Variants in MYT1L observed in about 807,000 individuals in gnomAD.
MYT1L encodes the protein myelin transcription factor 1-like protein.
Under a neutral mutation model 126.7 loss-of-function variants are expected in MYT1L, and 12 were observed. The observed-to-expected ratio is 0.09, with a 90% confidence interval of 0.06 to 0.15. The LOEUF is 0.15. Ranked by LOEUF, MYT1L falls within the 10% of genes least tolerant of loss-of-function variation. The pLI, the probability that MYT1L is intolerant of heterozygous loss-of-function variation, is 1.00. For synonymous variants in MYT1L, 541 were observed against 604.2 expected, an observed-to-expected ratio of 0.90 and a Z score of 1.53; for missense variants, 979 against 1,585.2, an observed-to-expected ratio of 0.62 and a Z score of 6.49.
intron 21 of MYT1L, among the ~76,000 whole-genome samples, chr2:1,815,834 T>C (rs2037538747): frequency 6.6e-6 from 1 of 152,256 alleles, no homozygotes; most frequent in Admixed American, 6.5e-5. Flanking sequence ...TTCTTAGCCA[T>C]AGATGGCTTT....
chr2:2,299,073 C>T (rs62118686), intron 1 of MYT1L, among the ~76,000 whole-genome samples: 3 of 152,108 alleles, frequency 2.0e-5, no homozygotes, highest in Non-Finnish European at 2.9e-5. Flanking sequence ...AGGATGGTCT[C>T]GATCTCCTGA....
At chr2:2,076,418 T>C (rs1225622662) in intron 3 of MYT1L, among the ~76,000 whole-genome samples, 1 of 152,194 alleles carries the variant, frequency 6.6e-6, no homozygotes, top group Non-Finnish European at 1.5e-5. Context: ...AGGAAAGGCA[T>C]TTAATAAAAT....
rs373461812 is a variant in MYT1L, at chr2:2,064,406, G to A, written c.-303-10283C>T. Among the ~76,000 whole-genome samples, 9 of 152,312 alleles carry A rather than the reference G, an allele frequency of 5.9e-5. No individual in the cohort carries two copies. The East Asian group carries it at 9.6e-4, about 16-fold the overall frequency. On this transcript the variant is annotated intron_variant, in intron 3 of 24. Coordinates refer to ENST00000647738, the MANE Select transcript of MYT1L (RefSeq NM_001303052.2). ...TTAACAGGATAGAAGTTGTCCAGGA[G>A]AACATGGGGAAGTGAAGTTTTCAAG...
At chr2:1,874,187 G>A (rs569965103) in intron 18 of MYT1L, among the ~76,000 whole-genome samples, 2,015 of 129,038 alleles carry the variant, frequency 0.016, 39 homozygotes, top group African/African-American at 0.07. Flanking sequence ...AACAGGAAAC[G>A]CTCTTTTTTT....
intron 3 of MYT1L, among the ~76,000 whole-genome samples, chr2:2,113,409 G>A (rs1001195214): frequency 1.7e-4 from 26 of 152,158 alleles, no homozygotes; most frequent in African/African-American, 5.3e-4. Flanking sequence ...CACGCGCTCC[G>A]TCCAACAGCT....
At chr2:2,130,450 A>G (rs2082225769) in intron 3 of MYT1L, among the ~76,000 whole-genome samples, 1 of 152,192 alleles carries the variant, frequency 6.6e-6, no homozygotes, top group South Asian at 2.1e-4. Flanking sequence ...CTACAGAAAT[A>G]AAGGCGCAGG....
intron 4 of MYT1L, among the ~76,000 whole-genome samples, chr2:2,018,574 C>T (rs1257276548): frequency 3.3e-5 from 5 of 152,308 alleles, no homozygotes; most frequent in South Asian, 2.1e-4. Flanking sequence ...GGCCGCTCAT[C>T]GGATTCAGCC....
chr2:1,805,731 C>A (rs927087772), intron 22 of MYT1L, among the ~76,000 whole-genome samples: 7 of 152,042 alleles, frequency 4.6e-5, no homozygotes, highest in African/African-American at 1.7e-4. Flanking sequence ...ACCAAAAATA[C>A]AAAAATTAGC....
intron 2 of MYT1L, among the ~76,000 whole-genome samples, chr2:2,216,465 T>G (rs72769228): frequency 0.12 from 18,377 of 152,154 alleles, 1,177 homozygotes; most frequent in Non-Finnish European, 0.15. Context: ...TTCAACTGGA[T>G]GAAAATGAAA....
chr2:2,030,124 G>A (rs1214383661), intron 4 of MYT1L, among the ~76,000 whole-genome samples: 1 of 152,182 alleles, frequency 6.6e-6, no homozygotes, highest in Non-Finnish European at 1.5e-5. Context: ...TTAAGATGGA[G>A]TCTTGCTCTG....
At chr2:2,047,914 G>T (rs2068381099) in intron 4 of MYT1L, among the ~76,000 whole-genome samples, 1 of 152,168 alleles carries the variant, frequency 6.6e-6, no homozygotes, top group Non-Finnish European at 1.5e-5. Flanking sequence ...TCCCAGCAAA[G>T]GCTGCAGAAC....
chr2:2,068,545 C>T (rs1381311774), intron 3 of MYT1L, among the ~76,000 whole-genome samples: 1 of 152,078 alleles, frequency 6.6e-6, no homozygotes, highest in African/African-American at 2.4e-5. Context: ...TTTAAATCCT[C>T]AATAAATATA....
intron 2 of MYT1L, among the ~76,000 whole-genome samples, chr2:2,257,715 A>G (rs914477029): frequency 7.5e-5 from 11 of 147,460 alleles, no homozygotes; most frequent in Non-Finnish European, 8.8e-5. Flanking sequence ...AAGGAGAACT[A>G]CAAACCACTG....
chr2:2,283,445 A>G (rs567277295), intron 2 of MYT1L, among the ~76,000 whole-genome samples: 25 of 152,348 alleles, frequency 1.6e-4, no homozygotes, highest in Non-Finnish European at 3.2e-4. Context: ...CAAAAGTAAG[A>G]GAGTACAGAG....
intron 18 of MYT1L, chr2:1,886,078 C>T (rs530362434): frequency 2.6e-5 from 4 of 152,788 alleles, no homozygotes; most frequent in Non-Finnish European, 5.9e-5. Context: ...AAAGAGTATT[C>T]ATGACTAAGA....
chr2:2,254,485 A>G (rs1479843003), intron 2 of MYT1L, among the ~76,000 whole-genome samples: 1 of 152,198 alleles, frequency 6.6e-6, no homozygotes, highest in African/African-American at 2.4e-5. Flanking sequence ...AAGGGACTCT[A>G]GAGCTGCATT....
chr2:1,903,202 T>C lies in MYT1L; in HGVS notation c.1910A>G (p.Glu637Gly). Residue 637 changes from glutamate to glycine, a missense_variant, in exon 14 of 25, where the codon GAG becomes GGG. Transcript: ENST00000647738. ...CGAGGTCTTGGAATATTTCTCGAGC[T>C]CCTTGGCCAGGTTGGAACGCGGCGT... ...TTTPRSNLAK[E>G]LEKYSKTSFE... 1 of 1,613,966 alleles carries C rather than the reference T, an allele frequency of 6.2e-7. No homozygotes were observed. The highest frequency in any genetic ancestry group is 8.5e-7 in the Non-Finnish European group (1 of 1,179,884).
chr2:2,203,759 A>G (rs2093187075), intron 2 of MYT1L, among the ~76,000 whole-genome samples: 1 of 152,200 alleles, frequency 6.6e-6, no homozygotes, highest in South Asian at 2.1e-4. Context: ...GGAAAAAACT[A>G]CTTTAAAGTT....
chr2:1,955,633 T>C (rs1241216363), intron 8 of MYT1L, among the ~76,000 whole-genome samples: 1 of 152,206 alleles, frequency 6.6e-6, no homozygotes, highest in African/African-American at 2.4e-5. Context: ...CCTTAAGACT[T>C]GGTTATTATA....
Sources: allele counts gnomAD v4.1 joint callset (sites outside exome capture counted in the v4.1 genomes callset), GRCh38; gene constraint gnomAD v4.1.1; transcripts MANE v1.5; gene names NCBI Gene and HGNC (gene_info 2026-07-23, HGNC 2026-07-21).